SLC1A7: variants seen among roughly 807,000 people sequenced by gnomAD.
SLC1A7 encodes the protein excitatory amino acid transporter 5.
A neutral mutation model predicts 47.7 loss-of-function variants in SLC1A7; 40 were observed. The observed-to-expected ratio is 0.84, with a 90% CI of 0.65 to 1.09. The LOEUF is 1.09. SLC1A7 is among the 50% of genes least tolerant of loss of function. The pLI is 0.00. For synonymous variants in SLC1A7, 323 were observed against 325.6 expected, an observed-to-expected ratio of 0.99 and a Z score of 0.09; for missense variants, 746 against 769.5, an observed-to-expected ratio of 0.97 and a Z score of 0.36.
chr1:53,120,204 T>G (rs1302223532), intron 2 of SLC1A7, among the ~76,000 whole-genome samples: 3 of 152,202 alleles, frequency 2.0e-5, no homozygotes, highest in Non-Finnish European at 4.4e-5. Context: ...GGCTGCTGAC[T>G]GACCCTCCCC....
At chr1:53,129,876 C>T (rs148339857) in intron 2 of SLC1A7, among the ~76,000 whole-genome samples, 3 of 150,578 alleles carry the variant, frequency 2.0e-5, no homozygotes, top group African/African-American at 7.3e-5. Context: ...ACCTGATCCC[C>T]TCCTGGGATC....
chr1:53,100,597 A>G (rs1459749378), intron 5 of SLC1A7, among the ~76,000 whole-genome samples: 1 of 150,366 alleles, frequency 6.7e-6, no homozygotes, highest in East Asian at 1.9e-4. Context: ...CAGTACACTC[A>G]CACAACCTGC....
intron 3 of SLC1A7, among the ~76,000 whole-genome samples, chr1:53,106,506 A>G (rs1488194151): frequency 6.6e-6 from 1 of 151,544 alleles, no homozygotes; most frequent in Non-Finnish European, 1.5e-5. Flanking sequence ...CAGGAGGCTG[A>G]GGCAGGAGAA....
intron 3 of SLC1A7, among the ~76,000 whole-genome samples, chr1:53,106,599 C>A (rs1226712674): frequency 7.1e-4 from 97 of 137,486 alleles, no homozygotes; most frequent in Non-Finnish European, 7.7e-4. Context: ...GACACCGTCT[C>A]AAAAAAAAAA....
chr1:53,099,056 A>C (rs375193251), intron 5 of SLC1A7, among the ~76,000 whole-genome samples: 3,089 of 142,806 alleles, frequency 0.022, 97 homozygotes, highest in African/African-American at 0.076. Flanking sequence ...TACACTCACA[A>C]CCCACCTCTG....
At chr1:53,091,487 C>A (rs932060625) in intron 7 of SLC1A7, among the ~76,000 whole-genome samples, 72 of 152,296 alleles carry the variant, frequency 4.7e-4, no homozygotes, top group African/African-American at 1.6e-3. Flanking sequence ...CAGGGGGCTG[C>A]TGGCTCTGGC....
intron 7 of SLC1A7, 28 bp downstream of exon 7, chr1:53,092,526 C>T (rs1248995973): frequency 6.5e-7 from 1 of 1,545,592 alleles, no homozygotes; most frequent in Non-Finnish European, 8.9e-7. Context: ...TCCCAGCTCC[C>T]CACCGTCCTG....
chr1:53,103,996 A>T (rs541544722), intron 4 of SLC1A7, among the ~76,000 whole-genome samples: 2 of 152,272 alleles, frequency 1.3e-5, no homozygotes, highest in South Asian at 4.1e-4. Flanking sequence ...GAAGAAGCAT[A>T]GCCTGCCCCA....
chr1:53,109,793 C>T (rs904685196), intron 3 of SLC1A7, among the ~76,000 whole-genome samples: 4 of 152,132 alleles, frequency 2.6e-5, no homozygotes, highest in East Asian at 1.9e-4. Context: ...CCCACTTGTC[C>T]GTCTGTCCTA....
chr1:53,088,221 G>A lies in SLC1A7; in HGVS notation c.1471C>T (p.Leu491=), dbSNP rs1458786547. Residue 491 remains leucine, a synonymous_variant, in exon 11 of 11, where the codon CTG becomes TTG. Transcript: ENST00000371494. ...CTCACTGGCTTGGTCTCGCAGGGCA[G>A]CAGTTTCTGGTGAAGGGAAACAGGT... is the stretch of plus-strand genomic sequence containing the variant. ...FARDTGTEKL[L]PCETKPVSLQ... 3.7e-6 allele frequency: 6 copies of A among 1,605,120 alleles called. No individual in the cohort carries two copies. The highest frequency in any genetic ancestry group is 5.1e-6 in the Non-Finnish European group (6 of 1,175,162).
At chr1:53,104,704 T>C (rs1304063981) in intron 4 of SLC1A7, among the ~76,000 whole-genome samples, 3 of 152,194 alleles carry the variant, frequency 2.0e-5, no homozygotes, top group Non-Finnish European at 2.9e-5. Context: ...CAGCTCCCTA[T>C]TCAGAAGCCT....
In SLC1A7 at chr1:53,092,579, G is replaced by T; in HGVS notation, c.1006C>A (p.Leu336Ile). The change falls in exon 7 of 11, where the codon CTC becomes ATC. Residue 336 changes from leucine (L) to isoleucine (I), a missense_variant. Transcript: ENST00000371494. ...VFIRGILQAL[L>I]IALATSSSSA... Reference sequence around the variant, plus strand: ...CTGGAGGAGGTGGCCAGCGCGATGAGCAGAGCCTGCAGGATGCCACGGATG... The same window carrying T: ...CTGGAGGAGGTGGCCAGCGCGATGATCAGAGCCTGCAGGATGCCACGGATG... 1.2e-6 allele frequency: 2 copies of T among 1,614,042 alleles called. No homozygotes were observed. Among genetic ancestry groups the T allele is most frequent in the Non-Finnish European group, 8.5e-7 (1 of 1,179,904 alleles).
chr1:53,112,534 G>C (rs2150331210), intron 3 of SLC1A7, among the ~76,000 whole-genome samples: 1 of 152,390 alleles, frequency 6.6e-6, no homozygotes, highest in Admixed American at 6.5e-5. Flanking sequence ...GTGGGAGCCT[G>C]TGTATGGGCA....
Position 53,090,390 on chromosome 1 carries a change from G to A in SLC1A7, c.1226+222C>T, listed in dbSNP as rs981561008. ...CTGCCACACGGGCGGCCTCTCCAAG[G>A]TCCTGAGTCCTGTCCCTGGCCTCCG... On this transcript the variant is annotated intron_variant, in intron 8 of 10. Transcript: ENST00000371494. The A allele has an allele frequency of 5.7e-6, 4 of 697,900 alleles. No homozygotes were observed. The African/African-American group carries it at 7.2e-5, about 13-fold the overall frequency. 43.2% of individuals were successfully genotyped at this position (697,900 alleles called of 1,614,324 possible).
At chr1:53,090,963 A>G in intron 7 of SLC1A7, 157 bp from the exon 8 acceptor site, 1 of 1,510,838 alleles carries the variant, frequency 6.6e-7, no homozygotes, top group Non-Finnish European at 8.9e-7. Flanking sequence ...CGGGCACTGC[A>G]GTGCTCTCAC....
Position 53,137,649 on chromosome 1 carries a change from G to A in SLC1A7, c.136-3220C>T, listed in dbSNP as rs138499904. Among the ~76,000 whole-genome samples, 12 of 152,296 alleles carry A rather than the reference G, an allele frequency of 7.9e-5. No homozygotes were observed. The East Asian group carries it at 2.3e-3, about 29-fold the overall frequency. On this transcript the variant is annotated intron_variant, in intron 1 of 10. Transcript: ENST00000371494. ...CATGTCTCCTTGCTTGTAGCCTAAA[G>A]TTAATTGACTGATTTTTATTTGTCT...
At chr1:53,127,730 A>T (rs926167059) in intron 2 of SLC1A7, among the ~76,000 whole-genome samples, 1 of 152,156 alleles carries the variant, frequency 6.6e-6, no homozygotes, top group African/African-American at 2.4e-5. Context: ...CTGTGGAGAC[A>T]GCTGGGTGGG....
chr1:53,108,946 T>C (rs1644674240), intron 3 of SLC1A7, among the ~76,000 whole-genome samples: 1 of 152,218 alleles, frequency 6.6e-6, no homozygotes. Context: ...TGGGGAAATG[T>C]ACATTTTCTT....
chr1:53,137,756 C>A (rs1398411012), intron 1 of SLC1A7, among the ~76,000 whole-genome samples: 2 of 152,192 alleles, frequency 1.3e-5, no homozygotes, highest in Non-Finnish European at 2.9e-5. Flanking sequence ...ATTTTCTGCT[C>A]TCTCAAGCAC....
Sources: gnomAD v4.1 joint callset for allele counts (sites outside exome capture counted in the v4.1 genomes callset) on GRCh38, gnomAD v4.1.1 for gene constraint, MANE v1.5 for transcripts, NCBI Gene and HGNC (gene_info 2026-07-23, HGNC 2026-07-21) for gene names.